Variants in NCOA2 observed in about 807,000 individuals in gnomAD.
NCOA2 encodes the protein nuclear receptor coactivator 2.
Under a neutral mutation model 145.1 loss-of-function variants are expected in NCOA2, and 21 were observed. That is an observed-to-expected ratio of 0.14 (90% CI 0.10 to 0.21). The LOEUF is 0.21. Ranked by LOEUF, NCOA2 falls within the 10% of genes least tolerant of loss-of-function variation. The pLI is 1.00. For synonymous variants in NCOA2, 619 were observed against 637.5 expected, an observed-to-expected ratio of 0.97 and a Z score of 0.44; for missense variants, 1,472 against 1,837.6, an observed-to-expected ratio of 0.80 and a Z score of 3.64.
chr8:70,288,443 G>C (rs538921238), intron 2 of NCOA2, among the ~76,000 whole-genome samples: 3 of 152,170 alleles, frequency 2.0e-5, no homozygotes, highest in Admixed American at 1.3e-4. Context: ...TAGCCAGCAT[G>C]GTGGTGCGCA....
the NCOA2 span, among the ~76,000 whole-genome samples, chr8:70,451,797 T>C: frequency 1.3e-5 from 2 of 152,224 alleles, no homozygotes; most frequent in Admixed American, 1.3e-4. Flanking sequence ...AGTATGTCTG[T>C]ATTCTCTGAG....
chr8:70,344,101 G>A (rs1563786688), intron 1 of NCOA2, among the ~76,000 whole-genome samples: 1 of 152,190 alleles, frequency 6.6e-6, no homozygotes, highest in Non-Finnish European at 1.5e-5. Context: ...TAGCACTACA[G>A]TATACTTACA....
At chr8:70,429,749 A>G in the NCOA2 span, among the ~76,000 whole-genome samples, 1 of 152,242 alleles carries the variant, frequency 6.6e-6, no homozygotes, top group African/African-American at 2.4e-5. Flanking sequence ...AAAGACTAAA[A>G]TCATAAAGAT....
In NCOA2 at chr8:70,132,002, C is replaced by T; in HGVS notation, c.3159G>A (p.Arg1053=). The change falls in exon 16 of 23, where the codon AGG becomes AGA. Residue 1053 remains arginine, a splice_region_variant and synonymous_variant. Transcript: ENST00000452400. ...CATCTGGAGAACTGCCAAATGGCTG[C>T]CTGTAAAGACAGAAATGTCACCTTG... ...IDQASFASQN[R]QPFGSSPDDL... is the part of the protein sequence containing the mutation. 1 of 1,611,036 alleles carries T rather than the reference C, an allele frequency of 6.2e-7. No individual in the cohort carries two copies. Among genetic ancestry groups the T allele is most frequent in the African/African-American group, 1.3e-5 (1 of 74,994 alleles).
In NCOA2 at chr8:70,121,521, T is replaced by C. The variant is rs181550270; in HGVS notation, c.4294-130A>G. The C allele has an allele frequency of 1.8e-3, 1,211 of 664,468 alleles. 2 individuals are homozygous for C. Among genetic ancestry groups the C allele is most frequent in the Admixed American group, 4.5e-3 (193 of 43,048 alleles). 41.2% of individuals were successfully genotyped at this position (664,468 alleles called of 1,614,324 possible). On this transcript the variant is annotated intron_variant, in intron 21 of 22. Coordinates refer to ENST00000452400, the MANE Select transcript of NCOA2 (RefSeq NM_006540.4). ...ACGGGGAAAAGGAACTGCAGAACAA[T>C]GGCCTCATCCTACACAAGCTCTCCC...
In NCOA2 at chr8:70,124,669, G is replaced by C. The variant is rs768130358; in HGVS notation, c.4094+19C>G. On this transcript the variant is annotated intron_variant, in intron 20 of 22. Coordinates refer to ENST00000452400, the MANE Select transcript of NCOA2 (RefSeq NM_006540.4). ...GCTGTCACAGTGGCGGTATGAAAAG[G>C]AGAAGGATTTGCGGTTACCTGTTTC... 1.3e-6 allele frequency: 2 copies of C among 1,581,410 alleles called. No individual in the cohort carries two copies. Among genetic ancestry groups the C allele is most frequent in the African/African-American group, 2.7e-5 (2 of 73,854 alleles).
chr8:70,119,703 T>G (rs1225553102), intron 22 of NCOA2, among the ~76,000 whole-genome samples: 1 of 152,164 alleles, frequency 6.6e-6, no homozygotes, highest in Non-Finnish European at 1.5e-5. Context: ...CTTGCCGACA[T>G]CTGTTATTTT....
Position 70,156,735 on chromosome 8 carries a change from G to A in NCOA2, c.1630C>T (p.His544Tyr). The change falls in exon 11 of 23, where the codon CAC (histidine) becomes TAC (tyrosine). Residue 544 changes from histidine to tyrosine, a missense_variant. By Grantham distance (83) the His-to-Tyr change is moderately conservative. This residue lies in a region of NCOA2 where 953 missense variants were observed against 1,062.1 expected (regional missense o/e 0.90). Coordinates refer to ENST00000452400, the MANE Select transcript of NCOA2 (RefSeq NM_006540.4). ...LNALQALSEG[H>Y]GVSLGSSLAS... The stretch of plus-strand genomic sequence containing the variant: ...AACGATGACCCTAATGAGACCCCGT[G>A]CCCCTCGCTGAGGGCCTGAAGTGCA... 6.2e-7 allele frequency: 1 copy of A among 1,613,954 alleles called. No individual in the cohort carries two copies. Among genetic ancestry groups the A allele is most frequent in the Non-Finnish European group, 8.5e-7 (1 of 1,179,868 alleles).
chr8:70,249,002 A>G (rs535242922), intron 2 of NCOA2, among the ~76,000 whole-genome samples: 4 of 152,198 alleles, frequency 2.6e-5, no homozygotes, highest in African/African-American at 9.6e-5. Context: ...TGGTTCTGCA[A>G]GATTCTCCAC....
rs148597336 is a variant in NCOA2 at position 70,116,640 on chromosome 8, T to C, written c.4384-2997A>G. Reference sequence around the variant, plus strand: ...GGGATGATGACTGAACCCCTGTCAATGTGCACATAAGTAGCACAGTGACAA... The same window carrying C: ...GGGATGATGACTGAACCCCTGTCAACGTGCACATAAGTAGCACAGTGACAA... On this transcript the variant is annotated intron_variant, in intron 22 of 22. Coordinates refer to ENST00000452400, the MANE Select transcript of NCOA2 (RefSeq NM_006540.4). 1.8e-4 allele frequency among the ~76,000 whole-genome samples: 27 copies of C among 152,302 alleles called. No individual in the cohort carries two copies. In the East Asian group the frequency reaches 3.7e-3, roughly 21 times the overall value.
At chr8:70,276,254 A>G (rs1825455823) in intron 2 of NCOA2, among the ~76,000 whole-genome samples, 1 of 152,186 alleles carries the variant, frequency 6.6e-6, no homozygotes, top group Non-Finnish European at 1.5e-5. Context: ...AATTAAAAAG[A>G]TAAGGAAAGG....
At chr8:70,437,713 CT>C in the NCOA2 span, among the ~76,000 whole-genome samples, 5 of 151,860 alleles carry the variant, frequency 3.3e-5, no homozygotes, top group African/African-American at 1.2e-4. Flanking sequence ...GTCACAGTCT[CT>C]TTTTTTTGCC....
chr8:70,136,782 G>C (rs575477716), intron 15 of NCOA2, among the ~76,000 whole-genome samples: 3 of 152,194 alleles, frequency 2.0e-5, no homozygotes, highest in Non-Finnish European at 4.4e-5. Flanking sequence ...TTTCAAAAGA[G>C]AGACATGGTT....
chr8:70,263,231 G>A (rs1297403689), intron 2 of NCOA2, among the ~76,000 whole-genome samples: 1 of 147,956 alleles, frequency 6.8e-6, no homozygotes, highest in East Asian at 2.0e-4. Flanking sequence ...GTGGCACATA[G>A]AGTGTGGAGA....
chr8:70,130,362 A>G (rs906606184), intron 16 of NCOA2, among the ~76,000 whole-genome samples: 1 of 152,214 alleles, frequency 6.6e-6, no homozygotes, highest in Non-Finnish European at 1.5e-5. Flanking sequence ...CGGACTAAAA[A>G]TATTAAAAGA....
chr8:70,275,019 T>C (rs997091231), intron 2 of NCOA2, among the ~76,000 whole-genome samples: 1 of 152,304 alleles, frequency 6.6e-6, no homozygotes, highest in South Asian at 2.1e-4. Flanking sequence ...ATTAAATATA[T>C]TAAAATTTCT....
At chr8:70,336,718 A>G (rs2136386154) in intron 1 of NCOA2, among the ~76,000 whole-genome samples, 1 of 152,320 alleles carries the variant, frequency 6.6e-6, no homozygotes, top group Admixed American at 6.5e-5. Flanking sequence ...ATCCACCCCC[A>G]TGATACAATC....
At chr8:70,450,371 A>G in the NCOA2 span, among the ~76,000 whole-genome samples, 4 of 152,102 alleles carry the variant, frequency 2.6e-5, no homozygotes, top group East Asian at 1.9e-4. Context: ...CCCTTTTACC[A>G]TGTGAAGATA....
the NCOA2 span, among the ~76,000 whole-genome samples, chr8:70,437,436 G>A: frequency 6.6e-6 from 1 of 152,174 alleles, no homozygotes; most frequent in African/African-American, 2.4e-5. Context: ...AATTGGTATT[G>A]AATGAATACA....
Sources: gnomAD v4.1 joint callset for allele counts (sites outside exome capture counted in the v4.1 genomes callset) on GRCh38, gnomAD v4.1.1 for gene constraint, gnomAD v4.1.1 regional missense constraint, MANE v1.5 for transcripts, NCBI Gene and HGNC (gene_info 2026-07-23, HGNC 2026-07-21) for gene names.